Variants in KCNH5 observed in about 807,000 individuals in gnomAD.
KCNH5 encodes voltage-gated delayed rectifier potassium channel KCNH5.
Under a neutral mutation model 96.1 loss-of-function variants are expected in KCNH5, and 46 were observed. The observed-to-expected ratio is 0.48, with a 90% confidence interval of 0.38 to 0.61. The LOEUF is 0.61. KCNH5 is among the 20% of genes least tolerant of loss of function. The probability of loss-of-function intolerance (pLI) is 0.00; values close to 1 mark genes in which losing one functional copy is unlikely to be tolerated. For missense variants in KCNH5, 907 were observed against 1,225.8 expected, an observed-to-expected ratio of 0.74 and a Z score of 3.88; for synonymous variants, 439 against 449.8, an observed-to-expected ratio of 0.98 and a Z score of 0.30.
At chr14:62,895,865 C>T (rs1278816400) in intron 7 of KCNH5, among the ~76,000 whole-genome samples, 1 of 152,158 alleles carries the variant, frequency 6.6e-6, no homozygotes, top group African/African-American at 2.4e-5. Context: ...ACATGGATAG[C>T]CTAGTCTACT....
At chr14:62,815,878 C>T (rs1886967367) in intron 8 of KCNH5, among the ~76,000 whole-genome samples, 1 of 151,886 alleles carries the variant, frequency 6.6e-6, no homozygotes. Flanking sequence ...TATACACACA[C>T]ACACAAAACA....
chr14:62,934,217 C>A (rs1018555125), intron 7 of KCNH5, among the ~76,000 whole-genome samples: 10 of 151,714 alleles, frequency 6.6e-5, no homozygotes, highest in Non-Finnish European at 1.5e-4. Flanking sequence ...ACCTCCGCCT[C>A]CCGGGTTCAA....
At chr14:62,942,673 C>T (rs930907469) in intron 7 of KCNH5, among the ~76,000 whole-genome samples, 2 of 152,174 alleles carry the variant, frequency 1.3e-5, no homozygotes, top group Non-Finnish European at 2.9e-5. Flanking sequence ...ATGTGCTAAA[C>T]CATTTGTCTA....
At chr14:62,977,378 CAAT>C (rs977426633) in intron 6 of KCNH5, among the ~76,000 whole-genome samples, 8 of 151,488 alleles carry the variant, frequency 5.3e-5, no homozygotes, top group Admixed American at 4.6e-4. Context: ...ATAATAATAA[CAAT>C]AATAATAATA....
chr14:62,814,782 CAAAAAAAAA>C (rs71120235), intron 8 of KCNH5, among the ~76,000 whole-genome samples: 725 of 33,714 alleles, frequency 0.022, 6 homozygotes, highest in African/African-American at 0.068. Context: ...GACTCCATCT[CAAAAAAAAA>C]AAAAAAAAAA....
At chr14:62,981,359 A>G in intron 5 of KCNH5, 95 bp from the exon 6 acceptor site, 1 of 1,226,464 alleles carries the variant, frequency 8.2e-7, no homozygotes, top group Non-Finnish European at 1.2e-6. Context: ...ACAGCCAGTC[A>G]TGCTCCACAG....
At chr14:62,719,979 C>A (rs1468229158) in intron 10 of KCNH5, among the ~76,000 whole-genome samples, 1 of 152,072 alleles carries the variant, frequency 6.6e-6, no homozygotes, top group Non-Finnish European at 1.5e-5. Flanking sequence ...GTAAACAAAG[C>A]AAAAATCCTG....
intron 6 of KCNH5, among the ~76,000 whole-genome samples, chr14:62,961,955 T>A (rs1374221019): frequency 5.8e-4 from 60 of 103,642 alleles, no homozygotes; most frequent in South Asian, 1.2e-3. Flanking sequence ...GCAGATGGAG[T>A]TACAGATGGA....
chr14:62,712,422 C>T (rs1884590818), intron 10 of KCNH5: 1 of 548,394 alleles, frequency 1.8e-6, no homozygotes, highest in African/African-American at 1.9e-5. Context: ...CTATTATTCT[C>T]TACTGTAGGA....
At chr14:63,041,755 T>C (rs1413355981) in intron 1 of KCNH5, among the ~76,000 whole-genome samples, 1 of 152,082 alleles carries the variant, frequency 6.6e-6, no homozygotes, top group Admixed American at 6.5e-5. Flanking sequence ...AGACTTTGAA[T>C]CACCAGTAAC....
chr14:62,783,760 G>C (rs536684868), intron 9 of KCNH5, among the ~76,000 whole-genome samples: 52 of 152,040 alleles, frequency 3.4e-4, no homozygotes, highest in African/African-American at 1.2e-3. Flanking sequence ...AAATATTAAT[G>C]TCCAAAGAAT....
chr14:62,907,549 CCAGGGAGAT>C (rs1889053994), intron 7 of KCNH5, among the ~76,000 whole-genome samples: 1 of 152,112 alleles, frequency 6.6e-6, no homozygotes, highest in African/African-American at 2.4e-5. Flanking sequence ...GTCCTGAAAT[CCAGGGAGAT>C]CAGGTTTCCA....
In KCNH5 at chr14:62,818,682, G is replaced by A. The variant is rs113295434; in HGVS notation, c.1570-16101C>T. 2.1e-3 allele frequency among the ~76,000 whole-genome samples: 323 copies of A among 152,250 alleles called. 1 individual carries two copies. The highest frequency in any genetic ancestry group is 7.2e-3 in the African/African-American group (301 of 41,560). On this transcript the variant is annotated intron_variant, in intron 8 of 10. Coordinates refer to ENST00000322893, the MANE Select transcript of KCNH5 (RefSeq NM_139318.5). ...CGTCTTAGGTATATACACTAAAGAA[G>A]TGTGTAGATATGTTATTAAAAAGAT...
intron 2 of KCNH5, among the ~76,000 whole-genome samples, chr14:63,011,794 A>G (rs1335024156): frequency 6.6e-6 from 1 of 152,164 alleles, no homozygotes; most frequent in Non-Finnish European, 1.5e-5. Flanking sequence ...ACTGACTGGC[A>G]TCCATCATGT....
chr14:62,923,699 C>T (rs891503572), intron 7 of KCNH5, among the ~76,000 whole-genome samples: 2 of 151,806 alleles, frequency 1.3e-5, no homozygotes, highest in Non-Finnish European at 2.9e-5. Flanking sequence ...AGCAAAGATG[C>T]CAAGAGTACA....
chr14:62,918,345 T>C (rs367832582), intron 7 of KCNH5, among the ~76,000 whole-genome samples: 3 of 151,898 alleles, frequency 2.0e-5, no homozygotes, highest in Admixed American at 2.0e-4. Flanking sequence ...CAAGAAACCA[T>C]AAAAGAAAAG....
chr14:62,867,147 C>T (rs551831319), intron 7 of KCNH5, among the ~76,000 whole-genome samples: 113 of 152,312 alleles, frequency 7.4e-4, no homozygotes, highest in African/African-American at 2.7e-3. Context: ...CTTCCTCCCA[C>T]CTCTCACTGG....
At position 63,034,462 on chromosome 14, in the gene KCNH5, C is replaced by T. The variant is rs188727057; in HGVS notation, c.73+10652G>A. ...ATGTAAGGCTGGTCTCCTTCATGTT[C>T]TTACAAAATACACCTGTATCCTACA... On this transcript the variant is annotated intron_variant, in intron 1 of 10. Transcript: ENST00000322893. 2.0e-5 allele frequency among the ~76,000 whole-genome samples: 3 copies of T among 152,294 alleles called. No individual in the cohort carries two copies. In the East Asian group the frequency reaches 5.8e-4, roughly 29 times the overall value.
intron 9 of KCNH5, among the ~76,000 whole-genome samples, chr14:62,799,236 T>C (rs2139996422): frequency 6.6e-6 from 1 of 152,128 alleles, no homozygotes; most frequent in South Asian, 2.1e-4. Context: ...AATGATAAGA[T>C]ATGTTAACCC....
Sources: gnomAD v4.1 joint callset for allele counts (sites outside exome capture counted in the v4.1 genomes callset) on GRCh38, gnomAD v4.1.1 for gene constraint, MANE v1.5 for transcripts, NCBI Gene and HGNC (gene_info 2026-07-23, HGNC 2026-07-21) for gene names.